The following EBF1 variants were observed in gnomAD, a reference collection of about 807,000 sequenced individuals.
EBF1 encodes the protein transcription factor COE1.
A neutral mutation model predicts 68.4 loss-of-function variants in EBF1; 10 were observed. The observed-to-expected ratio is 0.15, with a 90% CI of 0.09 to 0.25. The LOEUF (loss-of-function observed/expected upper bound fraction) is 0.25. EBF1 is among the 10% of genes least tolerant of loss of function. The pLI, the probability that EBF1 is intolerant of heterozygous loss-of-function variation, is 1.00. For synonymous variants in EBF1, 298 were observed against 299.8 expected, an observed-to-expected ratio of 0.99 and a Z score of 0.06; for missense variants, 509 against 794.4, an observed-to-expected ratio of 0.64 and a Z score of 4.32.
rs892742801 is a variant in EBF1 at position 158,791,040 on chromosome 5, G to T, written c.909+5305C>A. 4.6e-5 allele frequency among the ~76,000 whole-genome samples: 7 copies of T among 152,156 alleles called. No individual in the cohort carries two copies. In the East Asian group the frequency reaches 9.6e-4, roughly 21 times the overall value. ...AATAAACTCTAAAAGGAATCACTAGGCTGGGTGCAGTCACTCATGCCTGTA... is the reference window on the plus strand; with the variant it reads ...AATAAACTCTAAAAGGAATCACTAGTCTGGGTGCAGTCACTCATGCCTGTA... On this transcript the variant is annotated intron_variant, in intron 9 of 15. Transcript: ENST00000313708.
intron 6 of EBF1, among the ~76,000 whole-genome samples, chr5:158,906,022 T>C (rs1433851775): frequency 1.6e-4 from 24 of 152,170 alleles, no homozygotes; most frequent in Non-Finnish European, 7.3e-5. Context: ...CAATCACGTA[T>C]GCTTTTAGTC....
Position 159,096,332 on chromosome 5 carries a change from C to G in EBF1, c.355+11G>C. On this transcript the variant is annotated intron_variant, in intron 3 of 15. Transcript: ENST00000313708. ...CCCAGGGTGAGGCCATAGACCCGAC[C>G]CGGGCCTCACCATTGCTGTAGAGAA... The G allele has an allele frequency of 6.2e-7, 1 of 1,612,504 alleles. No homozygotes were observed. Among genetic ancestry groups the G allele is most frequent in the Non-Finnish European group, 8.5e-7 (1 of 1,179,416 alleles).
At chr5:158,721,553 G>A (rs146398493) in intron 11 of EBF1, among the ~76,000 whole-genome samples, 2 of 152,248 alleles carry the variant, frequency 1.3e-5, no homozygotes, top group East Asian at 3.9e-4. Context: ...TAAATGATTT[G>A]GCTCATAATT....
chr5:158,922,437 C>T (rs1029462583), intron 6 of EBF1, among the ~76,000 whole-genome samples: 1 of 152,194 alleles, frequency 6.6e-6, no homozygotes, highest in African/African-American at 2.4e-5. Flanking sequence ...ATAGTTCTTC[C>T]ACTTTGCTGG....
At chr5:159,054,270 C>A (rs1488427157) in intron 6 of EBF1, among the ~76,000 whole-genome samples, 1 of 152,108 alleles carries the variant, frequency 6.6e-6, no homozygotes, top group Non-Finnish European at 1.5e-5. Context: ...AACAAAAAAA[C>A]AGGAAATCCT....
chr5:159,062,641 A>G (rs1421111283), intron 6 of EBF1, among the ~76,000 whole-genome samples: 4 of 152,196 alleles, frequency 2.6e-5, no homozygotes, highest in African/African-American at 9.7e-5. Context: ...TCTAACACTG[A>G]TTTCGCGTTT....
rs534352842 is a variant in EBF1 at position 158,791,619 on chromosome 5, T to A, written c.909+4726A>T. On this transcript the variant is annotated intron_variant, in intron 9 of 15. Transcript: ENST00000313708. ...GACAGCTTAAATACTCTAAATTGTA[T>A]AAATTCTGTGATAAAATAAAAGGGT... Among the ~76,000 whole-genome samples, 3 of 152,080 alleles carry A rather than the reference T, an allele frequency of 2.0e-5. No homozygotes were observed. In the East Asian group the frequency reaches 5.8e-4, roughly 29 times the overall value.
At chr5:158,919,772 A>G (rs563161985) in intron 6 of EBF1, among the ~76,000 whole-genome samples, 4 of 152,336 alleles carry the variant, frequency 2.6e-5, no homozygotes, top group African/African-American at 9.6e-5. Context: ...TGCATCGATT[A>G]TCTCATTTAA....
chr5:158,989,432 G>T (rs1381621061), intron 6 of EBF1, among the ~76,000 whole-genome samples: 1 of 152,226 alleles, frequency 6.6e-6, no homozygotes, highest in South Asian at 2.1e-4. Context: ...TCAAATGATG[G>T]ATACGAGTGA....
intron 6 of EBF1, among the ~76,000 whole-genome samples, chr5:159,028,256 G>T (rs769438982): frequency 5.3e-5 from 8 of 152,182 alleles, no homozygotes; most frequent in Admixed American, 2.6e-4. Flanking sequence ...TAAGGATAGA[G>T]GAGAGAGGAT....
chr5:158,939,206 C>CTTCTGAAAGACTTTGTG (rs1233168470), intron 6 of EBF1, among the ~76,000 whole-genome samples: 21 of 152,316 alleles, frequency 1.4e-4, no homozygotes, highest in African/African-American at 5.1e-4. Flanking sequence ...AGGGCTGAGT[C>CTTCTGAAAGACTTTGTG]TTCTGAAAAA....
intron 15 of EBF1, among the ~76,000 whole-genome samples, chr5:158,701,497 C>T (rs1054371255): frequency 2.0e-5 from 3 of 152,258 alleles, no homozygotes; most frequent in Middle Eastern, 3.4e-3. Context: ...TAGTTAACAG[C>T]GCTTTTTATT....
chr5:158,707,138 A>G (rs1237902270), intron 15 of EBF1, among the ~76,000 whole-genome samples: 1 of 152,192 alleles, frequency 6.6e-6, no homozygotes, highest in Admixed American at 6.5e-5. Context: ...TAGTTTTCTC[A>G]TCTGTCAAAT....
intron 6 of EBF1, among the ~76,000 whole-genome samples, chr5:158,896,975 G>A (rs954031881): frequency 1.3e-5 from 2 of 151,994 alleles, no homozygotes; most frequent in Non-Finnish European, 2.9e-5. Flanking sequence ...TGGGTCCCTT[G>A]ATTTCAGCCC....
chr5:159,009,709 G>A (rs917332935), intron 6 of EBF1, among the ~76,000 whole-genome samples: 3 of 150,770 alleles, frequency 2.0e-5, no homozygotes, highest in Non-Finnish European at 2.9e-5. Context: ...AGCCAAGGAA[G>A]TCCAGGCTGC....
intron 8 of EBF1, among the ~76,000 whole-genome samples, chr5:158,822,820 GTGGCCTTTCCTTATTTTTCCCTTGGAT>G (rs1785150765): frequency 6.6e-6 from 1 of 152,174 alleles, no homozygotes; most frequent in South Asian, 2.1e-4. Context: ...ACCAAATTGT[GTGGCCTTTCCTTATTTTTCCCTTGGAT>G]TGGCCTTTCC....
intron 6 of EBF1, among the ~76,000 whole-genome samples, chr5:159,069,351 T>A (rs1777414972): frequency 6.6e-6 from 1 of 151,278 alleles, no homozygotes; most frequent in African/African-American, 2.4e-5. Flanking sequence ...CAAACAAACA[T>A]TAAGCTGCCC....
intron 6 of EBF1, among the ~76,000 whole-genome samples, chr5:159,014,484 G>T (rs1765290238): frequency 6.6e-6 from 1 of 152,134 alleles, no homozygotes; most frequent in Non-Finnish European, 1.5e-5. Flanking sequence ...CTAACTCCAG[G>T]AGTGTTATGA....
chr5:158,725,575 TA>T (rs1213888012), intron 11 of EBF1, among the ~76,000 whole-genome samples: 2 of 152,270 alleles, frequency 1.3e-5, no homozygotes, highest in Non-Finnish European at 2.9e-5. Flanking sequence ...GCAGATGACT[TA>T]AGCTAAGCTT....
Sources: gnomAD v4.1 joint callset for allele counts (sites outside exome capture counted in the v4.1 genomes callset) on GRCh38, gnomAD v4.1.1 for gene constraint, MANE v1.5 for transcripts, NCBI Gene and HGNC (gene_info 2026-07-23, HGNC 2026-07-21) for gene names.